Variants in PPFIA2 observed in about 807,000 individuals in gnomAD.
PPFIA2 encodes the protein PPFI scaffold protein A2, also known as liprin-alpha-2.
A neutral mutation model predicts 175.5 loss-of-function variants in PPFIA2; 46 were observed. That is an observed-to-expected ratio of 0.26 (90% CI 0.21 to 0.34). The LOEUF (loss-of-function observed/expected upper bound fraction) is 0.34. PPFIA2 is among the 10% of genes least tolerant of loss of function. The probability of loss-of-function intolerance (pLI) is 1.00; values close to 1 mark genes in which losing one functional copy is unlikely to be tolerated. For synonymous variants in PPFIA2, 568 were observed against 511.4 expected, an observed-to-expected ratio of 1.11 and a Z score of -1.49; for missense variants, 1,179 against 1,506.1, an observed-to-expected ratio of 0.78 and a Z score of 3.60.
intron 22 of PPFIA2, among the ~76,000 whole-genome samples, chr12:81,300,561 A>T (rs1325527145): frequency 4.6e-5 from 7 of 152,306 alleles, no homozygotes; most frequent in African/African-American, 1.7e-4. Flanking sequence ...TACAAATTTA[A>T]GTTATAGTGG....
chr12:81,330,279 A>G (rs981809439), intron 21 of PPFIA2, among the ~76,000 whole-genome samples: 4 of 152,148 alleles, frequency 2.6e-5, no homozygotes, highest in Non-Finnish European at 4.4e-5. Context: ...TTTTATAGGT[A>G]TATCTGTCTG....
intron 4 of PPFIA2, among the ~76,000 whole-genome samples, chr12:81,601,918 T>C (rs1304600325): frequency 6.6e-6 from 1 of 151,894 alleles, no homozygotes; most frequent in African/African-American, 2.4e-5. Context: ...CATCTTCTAT[T>C]AAAAACCTCA....
At chr12:81,687,337 C>T (rs148718017) in intron 3 of PPFIA2, 1 of 152,190 alleles carries the variant, frequency 6.6e-6, no homozygotes, top group East Asian at 1.9e-4. Flanking sequence ...GAATCCTGCA[C>T]TTCCTTATTG....
chr12:81,642,732 T>TATATATTATATACATAC, intron 4 of PPFIA2, among the ~76,000 whole-genome samples: 1 of 6,286 alleles, frequency 1.6e-4, no homozygotes, highest in Non-Finnish European at 4.6e-4. Context: ...TACATACATG[T>TATATATTATATACATAC]ATATGTATGT....
intron 8 of PPFIA2, among the ~76,000 whole-genome samples, chr12:81,398,705 T>G (rs2041605593): frequency 1.3e-5 from 2 of 152,108 alleles, no homozygotes; most frequent in African/African-American, 2.4e-5. Flanking sequence ...AAAAACAATT[T>G]GGCTAACTTT....
intron 4 of PPFIA2, chr12:81,675,408 GA>G (rs1287112481): frequency 6.6e-6 from 1 of 151,898 alleles, no homozygotes; most frequent in Non-Finnish European, 1.5e-5. Flanking sequence ...TTCATGTTTA[GA>G]AACATGCTTT....
chr12:81,338,844 G>A (rs1001636716), intron 21 of PPFIA2, among the ~76,000 whole-genome samples: 1 of 152,130 alleles, frequency 6.6e-6, no homozygotes, highest in Non-Finnish European at 1.5e-5. Context: ...GATTTATGAA[G>A]ACATTATTTA....
chr12:81,454,137 T>C (rs1593236600), intron 5 of PPFIA2, among the ~76,000 whole-genome samples: 1 of 152,114 alleles, frequency 6.6e-6, no homozygotes, highest in Admixed American at 6.6e-5. Flanking sequence ...GAAGATCACC[T>C]GAGTCCAGGG....
At chr12:81,724,658 A>C (rs2079808470) in intron 3 of PPFIA2, among the ~76,000 whole-genome samples, 1 of 150,978 alleles carries the variant, frequency 6.6e-6, no homozygotes. Context: ...ACATGATTTC[A>C]TCCTTTTTTT....
intron 8 of PPFIA2, among the ~76,000 whole-genome samples, chr12:81,398,753 G>A (rs2142575296): frequency 6.6e-6 from 1 of 152,212 alleles, no homozygotes; most frequent in African/African-American, 2.4e-5. Context: ...TCCATATTAA[G>A]GCATGTCCTG....
intron 4 of PPFIA2, among the ~76,000 whole-genome samples, chr12:81,586,168 T>TAAATAC (rs1223419141): frequency 6.6e-6 from 1 of 152,012 alleles, no homozygotes; most frequent in Non-Finnish European, 1.5e-5. Flanking sequence ...AAACAACCAA[T>TAAATAC]AAATACAATG....
intron 7 of PPFIA2, among the ~76,000 whole-genome samples, chr12:81,423,077 A>T (rs2046569902): frequency 6.6e-6 from 1 of 152,154 alleles, no homozygotes; most frequent in African/African-American, 2.4e-5. Flanking sequence ...TGAATCAAAA[A>T]GAAATAGATA....
At chr12:81,505,351 T>G (rs941772565) in intron 4 of PPFIA2, among the ~76,000 whole-genome samples, 1 of 151,520 alleles carries the variant, frequency 6.6e-6, no homozygotes, top group African/African-American at 2.4e-5. Context: ...TTCAGTTGAA[T>G]ATGTTGAAAG....
chr12:81,621,473 T>A (rs1382923624), intron 4 of PPFIA2, among the ~76,000 whole-genome samples: 1 of 152,204 alleles, frequency 6.6e-6, no homozygotes, highest in African/African-American at 2.4e-5. Context: ...CATAACTGAA[T>A]AAATGACCAA....
chr12:81,687,020 A>G (rs1370078899), intron 3 of PPFIA2, among the ~76,000 whole-genome samples: 1 of 152,010 alleles, frequency 6.6e-6, no homozygotes, highest in Non-Finnish European at 1.5e-5. Context: ...AACTCATAAG[A>G]CATGCAATTT....
intron 11 of PPFIA2, among the ~76,000 whole-genome samples, chr12:81,369,884 C>T (rs2141495616): frequency 6.6e-6 from 1 of 151,778 alleles, no homozygotes; most frequent in African/African-American, 2.4e-5. Context: ...GAACACGATG[C>T]AGTTGATGGT....
intron 8 of PPFIA2, among the ~76,000 whole-genome samples, chr12:81,387,957 T>C (rs970680114): frequency 2.0e-5 from 3 of 152,240 alleles, no homozygotes; most frequent in African/African-American, 4.8e-5. Flanking sequence ...GAAAGGGGAA[T>C]ACAGACTCTA....
intron 7 of PPFIA2, chr12:81,431,371 T>C (rs754688293): frequency 2.0e-5 from 3 of 151,386 alleles, no homozygotes; most frequent in Non-Finnish European, 4.4e-5. Context: ...AATAATACTC[T>C]GCAAAAAAAT....
chr12:81,529,221 C>A lies in PPFIA2; in HGVS notation c.304-71355G>T, dbSNP rs557853319. On this transcript the variant is annotated intron_variant, in intron 4 of 32. Coordinates refer to ENST00000549396, the MANE Select transcript of PPFIA2 (RefSeq NM_003625.5). ...ACTACATTAAACAAAGAAAATACTA[C>A]AAAATATGTACTTTTCTGTGTTACA... Among the ~76,000 whole-genome samples the A allele has an allele frequency of 9.9e-5, 15 of 151,914 alleles. No homozygotes were observed. In the East Asian group the frequency reaches 2.1e-3, roughly 22 times the overall value.
Sources: gnomAD v4.1 joint callset for allele counts (sites outside exome capture counted in the v4.1 genomes callset) on GRCh38, gnomAD v4.1.1 for gene constraint, MANE v1.5 for transcripts, NCBI Gene and HGNC (gene_info 2026-07-23, HGNC 2026-07-21) for gene names.